The following ADGRL2 variants were observed in gnomAD, a reference collection of about 807,000 sequenced individuals.
ADGRL2 encodes the protein adhesion G protein-coupled receptor L2, also known as calcium-independent alpha-latrotoxin receptor 2.
In ADGRL2, 44 loss-of-function variants were observed where a neutral mutation model predicts 157.4. That is an observed-to-expected ratio of 0.28 (90% confidence interval 0.22 to 0.36). The LOEUF is 0.36. Among genes scored for constraint, ADGRL2 ranks in the 10% least tolerant of loss-of-function variants. The pLI is 1.00. For missense variants in ADGRL2, 1,510 were observed against 1,768.9 expected (o/e 0.85, Z 2.63); for synonymous variants, 585 against 624.7 (o/e 0.94, Z 0.95).
intron 2 of ADGRL2, among the ~76,000 whole-genome samples, chr1:81,454,569 G>A (rs1323043522): frequency 2.6e-5 from 4 of 152,152 alleles, no homozygotes; most frequent in Non-Finnish European, 4.4e-5. Flanking sequence ...CCTTAATGCA[G>A]TCTTAATCTT....
At chr1:81,679,796 T>A (rs965276919) in intron 3 of ADGRL2, among the ~76,000 whole-genome samples, 1 of 152,238 alleles carries the variant, frequency 6.6e-6, no homozygotes, top group African/African-American at 2.4e-5. Flanking sequence ...TGTTTACTTC[T>A]GAATTTGGGG....
chr1:81,383,047 A>G (rs995636641), intron 1 of ADGRL2, among the ~76,000 whole-genome samples: 1 of 152,098 alleles, frequency 6.6e-6, no homozygotes, highest in Admixed American at 6.6e-5. Flanking sequence ...GTGTTTGGGG[A>G]TATCCCAGGG....
intron 1 of ADGRL2, among the ~76,000 whole-genome samples, chr1:81,309,048 TA>T (rs1203598207): frequency 1.3e-5 from 2 of 152,124 alleles, no homozygotes; most frequent in Admixed American, 6.5e-5. Context: ...ATTATCATCT[TA>T]AAAGGATGCT....
chr1:81,658,461 A>G (rs1275443807), intron 3 of ADGRL2, among the ~76,000 whole-genome samples: 1 of 152,136 alleles, frequency 6.6e-6, no homozygotes, highest in Non-Finnish European at 1.5e-5. Flanking sequence ...TACTTTTGTT[A>G]CACAGATATG....
upstream of ADGRL2, among the ~76,000 whole-genome samples, chr1:81,797,067 A>C (rs967549650): frequency 3.9e-5 from 6 of 152,216 alleles, no homozygotes; most frequent in Non-Finnish European, 8.8e-5. Context: ...TAAGTTTGGC[A>C]TTCATATATT....
rs559621399 is a variant in ADGRL2 at position 81,550,388 on chromosome 1, T to C, written c.-247-30488T>C. ...GTAAATTTCAAAGCTAGGTCTTTAA[T>C]AGAAATTAATTTCCAGTGATTTTTA... On this transcript the variant is annotated intron_variant, in intron 2 of 24. Coordinates refer to the ADGRL2 transcript ENST00000370721. Among the ~76,000 whole-genome samples, 6 of 152,318 alleles carry C rather than the reference T, an allele frequency of 3.9e-5. No individual in the cohort carries two copies. In the South Asian group the frequency reaches 1.0e-3, roughly 26 times the overall value.
chr1:81,827,890 T>C (rs570803001), intron 1 of ADGRL2, among the ~76,000 whole-genome samples: 183 of 152,340 alleles, frequency 1.2e-3, no homozygotes, highest in Non-Finnish European at 1.8e-3. Flanking sequence ...TTTTGATCAG[T>C]AAATAATGCT....
chr1:81,711,990 G>A (rs2083945715), intron 1 of ADGRL2, among the ~76,000 whole-genome samples: 1 of 152,218 alleles, frequency 6.6e-6, no homozygotes, highest in South Asian at 2.1e-4. Context: ...ATATCTGAGT[G>A]TGATCCTGAA....
rs185363240 is a variant in ADGRL2 at position 81,410,798 on chromosome 1, A to C, written c.-301-34238A>C. On this transcript the variant is annotated intron_variant, in intron 1 of 24. Transcript: ENST00000370721. ...ATTGCAATTAAAAATAATTCCAGGAAAAGAGAAAAGCTCTAGTGCAATATC... is the reference window on the plus strand; with the variant it reads ...ATTGCAATTAAAAATAATTCCAGGACAAGAGAAAAGCTCTAGTGCAATATC... Among the ~76,000 whole-genome samples, 581 of 152,352 alleles carry C rather than the reference A, an allele frequency of 3.8e-3. 3 individuals are homozygous for C. Among genetic ancestry groups the C allele is most frequent in the African/African-American group, 0.013 (561 of 41,588 alleles).
chr1:81,758,271 C>T (rs1344882529), intron 1 of ADGRL2, among the ~76,000 whole-genome samples: 1 of 152,048 alleles, frequency 6.6e-6, no homozygotes, highest in East Asian at 1.9e-4. Flanking sequence ...ATCCAGAGAA[C>T]AAGTCTAACA....
intron 2 of ADGRL2, among the ~76,000 whole-genome samples, chr1:81,765,125 C>T (rs2086068916): frequency 6.6e-6 from 1 of 151,670 alleles, no homozygotes; most frequent in Non-Finnish European, 1.5e-5. Flanking sequence ...TTGTAAATGA[C>T]CTATAAGATA....
chr1:81,557,157 T>A, intron 2 of ADGRL2: 1 of 174,418 alleles, frequency 5.7e-6, no homozygotes, highest in Non-Finnish European at 1.4e-5. Context: ...GGCAGACGCC[T>A]CCTCAAGGTA....
chr1:81,500,578 T>C (rs189440845), intron 2 of ADGRL2, among the ~76,000 whole-genome samples: 289 of 152,252 alleles, frequency 1.9e-3, no homozygotes, highest in Non-Finnish European at 2.9e-3. Context: ...ATCTCACTTA[T>C]ATAAGAGGTA....
chr1:81,779,839 G>A (rs2086742849), intron 2 of ADGRL2, among the ~76,000 whole-genome samples: 1 of 152,186 alleles, frequency 6.6e-6, no homozygotes. Context: ...CTGAGCAGGA[G>A]TTCCCCTTAA....
At chr1:81,391,367 G>C (rs2076553110) in intron 1 of ADGRL2, among the ~76,000 whole-genome samples, 1 of 152,308 alleles carries the variant, frequency 6.6e-6, no homozygotes, top group South Asian at 2.1e-4. Context: ...CTATTGTAAT[G>C]TAAACACTGA....
In ADGRL2 at chr1:81,369,483, G is replaced by A. The variant is rs2076124930; in HGVS notation, c.-302+62974G>A. ...TCCAGAGTTGTTTTTGTTTGAGTTA[G>A]GGTTAAAGGAGTTTGCACAAAACAT... is the stretch of plus-strand genomic sequence containing the variant. On this transcript the variant is annotated intron_variant, in intron 1 of 24. Coordinates refer to the ADGRL2 transcript ENST00000370721. Among the ~76,000 whole-genome samples the A allele has an allele frequency of 2.6e-5, 4 of 151,932 alleles. No homozygotes were observed. The South Asian group carries it at 8.3e-4, about 32-fold the overall frequency.
chr1:81,791,958 T>A (rs17107197), intron 2 of ADGRL2, among the ~76,000 whole-genome samples: 10,778 of 152,240 alleles, frequency 0.071, 433 homozygotes, highest in African/African-American at 0.1. Context: ...AGTCTATAAA[T>A]CCTTATGTCC....
intron 2 of ADGRL2, among the ~76,000 whole-genome samples, chr1:81,461,932 G>GGC (rs1553166991): frequency 1.5e-5 from 1 of 67,592 alleles, no homozygotes; most frequent in Non-Finnish European, 2.5e-5. Flanking sequence ...AAGAAGAAAG[G>GGC]GGGGGGGGGG....
intron 3 of ADGRL2, among the ~76,000 whole-genome samples, chr1:81,910,250 T>C (rs1479696838): frequency 2.7e-5 from 4 of 148,044 alleles, no homozygotes; most frequent in Non-Finnish European, 6.0e-5. Flanking sequence ...AAAACAATAA[T>C]AATAATAATA....
Sources: allele counts gnomAD v4.1 joint callset (sites outside exome capture counted in the v4.1 genomes callset), GRCh38; gene constraint gnomAD v4.1.1; transcripts MANE v1.5; gene names NCBI Gene and HGNC (gene_info 2026-07-23, HGNC 2026-07-21).